The following FAM163B variants were observed in gnomAD, a reference collection of about 807,000 sequenced individuals.
The protein encoded by FAM163B is protein FAM163B.
Under a neutral mutation model 7.6 loss-of-function variants are expected in FAM163B, and 4 were observed. The ratio of observed to expected loss-of-function variants is 0.52; its 90% CI spans 0.26 to 1.20. FAM163B has a LOEUF of 1.20. Among genes scored for constraint, FAM163B ranks in the 50% most tolerant of loss-of-function variants. FAM163B has a pLI of 0.14. For synonymous variants in FAM163B, 120 were observed against 111.6 expected (o/e 1.07, Z -0.47); for missense variants, 250 against 243.0 (o/e 1.03, Z -0.19).
rs1029203879 is a variant in FAM163B, at chr9:133,598,472, C to A, written c.-24+10605G>T. ...TCTATTTTAGCTGTTCACAAGGTTA[C>A]AGGCAGTTTCCATGGCTACAGCTGT... On this transcript the variant is annotated intron_variant, in intron 1 of 2. Transcript: ENST00000673969. Among the ~76,000 whole-genome samples the A allele has an allele frequency of 1.1e-4, 17 of 151,722 alleles. No individual in the cohort carries two copies. In the East Asian group the frequency reaches 3.3e-3, roughly 29 times the overall value.
At chr9:133,607,042 G>A (rs1386763933) in intron 1 of FAM163B, among the ~76,000 whole-genome samples, 1 of 152,176 alleles carries the variant, frequency 6.6e-6, no homozygotes, top group African/African-American at 2.4e-5. Context: ...GGCACGGACT[G>A]GGGGCTTGGA....
chr9:133,595,323 T>C (rs1831614394), intron 1 of FAM163B, among the ~76,000 whole-genome samples: 1 of 152,160 alleles, frequency 6.6e-6, no homozygotes, highest in Admixed American at 6.5e-5. Flanking sequence ...TTTTTGTGGT[T>C]TTAGTAGAGA....
At chr9:133,599,141 A>G (rs142609037) in intron 1 of FAM163B, among the ~76,000 whole-genome samples, 2,901 of 152,174 alleles carry the variant, frequency 0.019, 78 homozygotes, top group African/African-American at 0.066. Flanking sequence ...TCTGGGCTCC[A>G]GCCATTCTCG....
chr9:133,591,462 G>A (rs1033073369), intron 1 of FAM163B, among the ~76,000 whole-genome samples: 1 of 152,130 alleles, frequency 6.6e-6, no homozygotes, highest in Non-Finnish European at 1.5e-5. Flanking sequence ...CTCCTGGCTT[G>A]TGTCCCTGCA....
At chr9:133,586,497 T>C (rs1831440394) in intron 1 of FAM163B, among the ~76,000 whole-genome samples, 1 of 152,182 alleles carries the variant, frequency 6.6e-6, no homozygotes, top group African/African-American at 2.4e-5. Flanking sequence ...ACAGGGACCA[T>C]GGCATTTTGC....
At chr9:133,587,976 G>A (rs1238104192) in intron 1 of FAM163B, among the ~76,000 whole-genome samples, 2 of 148,476 alleles carry the variant, frequency 1.3e-5, no homozygotes, top group African/African-American at 5.0e-5. Context: ...AACGGGGGGC[G>A]AGCCTGGGAG....
intron 1 of FAM163B, among the ~76,000 whole-genome samples, chr9:133,598,154 C>T (rs752751193): frequency 6.6e-5 from 10 of 152,098 alleles, no homozygotes; most frequent in Non-Finnish European, 1.0e-4. Flanking sequence ...GGGAGCCAGG[C>T]GGCGGGAGGT....
intron 1 of FAM163B, among the ~76,000 whole-genome samples, chr9:133,588,583 G>A (rs74950745): frequency 0.063 from 8 of 126 alleles, no homozygotes; most frequent in Non-Finnish European, 0.1. Flanking sequence ...GCATGCTGAG[G>A]GATCTAGCAT....
chr9:133,582,338 T>A (rs1831368365), intron 1 of FAM163B, among the ~76,000 whole-genome samples: 1 of 152,190 alleles, frequency 6.6e-6, no homozygotes, highest in Non-Finnish European at 1.5e-5. Flanking sequence ...TGCGTTTCAG[T>A]CCACTGCAGT....
intron 1 of FAM163B, among the ~76,000 whole-genome samples, chr9:133,596,747 A>G (rs1831639051): frequency 6.6e-6 from 1 of 152,314 alleles, no homozygotes; most frequent in South Asian, 2.1e-4. Flanking sequence ...CCGTGGAGCC[A>G]CAGGGCTCTG....
At chr9:133,590,477 C>T (rs1200834822) in intron 1 of FAM163B, among the ~76,000 whole-genome samples, 2 of 152,110 alleles carry the variant, frequency 1.3e-5, no homozygotes, top group African/African-American at 2.4e-5. Flanking sequence ...GGCGCAGGCA[C>T]TTTGAGCATC....
rs1588320172 is a variant in FAM163B, at chr9:133,579,496, G to A, written c.94-67C>T. ...ACCCCAGAACCGACATGTGGGAAAG[G>A]CTACCCCTGACTGGGGAGGGGAGAT... On this transcript the variant is annotated intron_variant, in intron 2 of 2. Transcript: ENST00000673969. 7 of 1,489,746 alleles carry A rather than the reference G, an allele frequency of 4.7e-6. No individual in the cohort carries two copies. The Admixed American group carries it at 1.2e-4, about 26-fold the overall frequency. The allele number at this position is 1,489,746 out of a possible 1,614,324, so 92.3% of individuals were successfully genotyped here. A position where few individuals can be genotyped will look rare whatever the true frequency, so the allele number is the denominator to read the frequency against.
chr9:133,580,253 C>T lies in FAM163B; in HGVS notation c.-23-7G>A. On this transcript the variant is annotated splice_polypyrimidine_tract_variant and splice_region_variant and intron_variant, in intron 1 of 2. Transcript: ENST00000673969. ...CCCCTTCTCCATCAACAGCCTGCAA[C>T]ACACGCCGCCAGCTTTAGAGCATCA... The T allele has an allele frequency of 1.3e-6, 2 of 1,583,092 alleles. No homozygotes were observed. The highest frequency in any genetic ancestry group is 1.7e-6 in the Non-Finnish European group (2 of 1,153,618).
intron 1 of FAM163B, among the ~76,000 whole-genome samples, chr9:133,582,781 G>A (rs2131219003): frequency 6.6e-6 from 1 of 152,376 alleles, no homozygotes; most frequent in South Asian, 2.1e-4. Context: ...CTGAGACACT[G>A]GCCGGTCCCT....
intron 1 of FAM163B, among the ~76,000 whole-genome samples, chr9:133,592,411 G>A (rs1319506589): frequency 6.6e-6 from 1 of 152,208 alleles, no homozygotes; most frequent in Non-Finnish European, 1.5e-5. Flanking sequence ...GGAGGCCGAG[G>A]GTGTGTCCAG....
Position 133,578,696 on chromosome 9 carries a change from T to G in FAM163B, c.*326A>C. 6.3e-6 allele frequency: 2 copies of G among 315,154 alleles called. No homozygotes were observed. Among genetic ancestry groups the G allele is most frequent in the Non-Finnish European group, 1.2e-5 (2 of 173,594 alleles). 19.5% of individuals were successfully genotyped at this position (315,154 alleles called of 1,614,324 possible). The stretch of plus-strand genomic sequence containing the variant: ...ATGGAGACCTCCTGGGAAGGCCAGG[T>G]TGTTGGGTCTGAGACAGAATCATCA... On this transcript the variant is annotated 3_prime_UTR_variant, in exon 3 of 3. Coordinates refer to ENST00000673969, the MANE Select transcript of FAM163B (RefSeq NM_001080515.3).
Position 133,600,939 on chromosome 9 carries a change from T to G in FAM163B, c.-24+8138A>C, listed in dbSNP as rs376302485. On this transcript the variant is annotated intron_variant, in intron 1 of 2. Transcript: ENST00000673969. This position sits in a 1 kb window ranked among gnomAD's most constrained non-coding sequence, Gnocchi z 4.9. Reference sequence around the variant, plus strand: ...GGGGTAGGGGGGGAGCTTCATTGCCTCGAGTTCCTGGCTGAACTCCAGACA... The same window carrying G: ...GGGGTAGGGGGGGAGCTTCATTGCCGCGAGTTCCTGGCTGAACTCCAGACA... Among the ~76,000 whole-genome samples the G allele has an allele frequency of 1.4e-4, 22 of 152,256 alleles. No individual in the cohort carries two copies. The highest frequency in any genetic ancestry group is 5.1e-4 in the African/African-American group (21 of 41,552).
rs1465916289 is a variant in FAM163B, at chr9:133,577,463, G to A, written c.*1559C>T. On this transcript the variant is annotated 3_prime_UTR_variant, in exon 3 of 3. Transcript: ENST00000673969. ...GGAGGAAAACAATTGAGAACATAAC[G>A]ATTGTGACTTCGTCAGCCGTTCCCC... is the stretch of plus-strand genomic sequence containing the variant. Among the ~76,000 whole-genome samples the A allele has an allele frequency of 3.9e-5, 6 of 152,368 alleles. No homozygotes were observed. The highest frequency in any genetic ancestry group is 3.9e-4 in the East Asian group (2 of 5,182).
rs367989974 is a variant in FAM163B, at chr9:133,595,346, A to G, written c.-24+13731T>C. Among the ~76,000 whole-genome samples the G allele has an allele frequency of 4.1e-4, 63 of 152,292 alleles. 1 individual carries two copies. The East Asian group carries it at 6.2e-3, about 15-fold the overall frequency. ...GTTTTAGTAGAGACGAGGTTTTGCC[A>G]TGTTGGCCAGGCTGTCCTCCAACTC... is the stretch of plus-strand genomic sequence containing the variant. On this transcript the variant is annotated intron_variant, in intron 1 of 2. Coordinates refer to ENST00000673969, the MANE Select transcript of FAM163B (RefSeq NM_001080515.3).
Sources: gnomAD v4.1 joint callset for allele counts (sites outside exome capture counted in the v4.1 genomes callset) on GRCh38, gnomAD v4.1.1 for gene constraint, Gnocchi (gnomAD v3.1) non-coding constraint, MANE v1.5 for transcripts, NCBI Gene and HGNC (gene_info 2026-07-23, HGNC 2026-07-21) for gene names.